Variants in RSRC1 observed in about 807,000 individuals in gnomAD.
RSRC1 encodes serine/Arginine-related protein 53.
Under a neutral mutation model 49.1 loss-of-function variants are expected in RSRC1, and 39 were observed. That is an observed-to-expected ratio of 0.79 (90% CI 0.61 to 1.04). The LOEUF is 1.04. Ranked by LOEUF, RSRC1 falls within the 50% of genes least tolerant of loss-of-function variation. The pLI, the probability that RSRC1 is intolerant of heterozygous loss-of-function variation, is 0.00. For synonymous variants in RSRC1, 143 were observed against 130.8 expected (o/e 1.09, Z -0.63); for missense variants, 388 against 402.4 (o/e 0.96, Z 0.31).
At chr3:158,229,254 A>G (rs1418977352) in intron 4 of RSRC1, among the ~76,000 whole-genome samples, 3 of 146,068 alleles carry the variant, frequency 2.1e-5, no homozygotes, top group African/African-American at 7.5e-5. Flanking sequence ...ATATAAACAT[A>G]CATGTATATG....
intron 5 of RSRC1, among the ~76,000 whole-genome samples, chr3:158,354,468 A>C (rs7610713): frequency 6.6e-6 from 1 of 151,936 alleles, no homozygotes; most frequent in African/African-American, 2.4e-5. Flanking sequence ...AGTCTGACTT[A>C]CCTCAAATAT....
intron 6 of RSRC1, among the ~76,000 whole-genome samples, chr3:158,404,114 GA>G (rs1270366996): frequency 6.6e-6 from 1 of 151,850 alleles, no homozygotes; most frequent in Non-Finnish European, 1.5e-5. Context: ...TCAAGGCCAT[GA>G]ATTTTTCAGG....
intron 6 of RSRC1, among the ~76,000 whole-genome samples, chr3:158,400,530 G>C (rs954755579): frequency 1.3e-5 from 2 of 152,064 alleles, no homozygotes; most frequent in Non-Finnish European, 2.9e-5. Flanking sequence ...TTACCCTGAA[G>C]ACCTTCCAGT....
chr3:158,543,383 G>A lies in RSRC1; in HGVS notation c.808G>A (p.Ala270Thr), dbSNP rs771214895. The A allele has an allele frequency of 6.3e-7, 1 of 1,599,788 alleles. No individual in the cohort carries two copies. The highest frequency in any genetic ancestry group is 8.5e-7 in the Non-Finnish European group (1 of 1,174,004). The change falls in exon 9 of 10, where the codon GCA (alanine) becomes ACA (threonine). Residue 270 changes from alanine to threonine, a missense_variant. Ala to Thr is a moderately conservative substitution (Grantham distance 58, BLOSUM62 0). Coordinates refer to ENST00000611884, the MANE Select transcript of RSRC1 (RefSeq NM_001271838.2). ...ACAAGCAACTTCAACATCAGGACCA[G>A]CATCAGCAGTTGCTGATCCACCCAG... ...VKQATSTSGP[A>T]SAVADPPSTE...
At chr3:158,329,721 T>G (rs1729421514) in intron 5 of RSRC1, among the ~76,000 whole-genome samples, 1 of 152,180 alleles carries the variant, frequency 6.6e-6, no homozygotes, top group African/African-American at 2.4e-5. Context: ...TTCTCAGATC[T>G]CAAACTCCGT....
intron 4 of RSRC1, among the ~76,000 whole-genome samples, chr3:158,290,610 A>T (rs1726882505): frequency 6.6e-6 from 1 of 152,116 alleles, no homozygotes; most frequent in African/African-American, 2.4e-5. Context: ...ATTTTGCCAA[A>T]CTTTTATTCA....
intron 5 of RSRC1, among the ~76,000 whole-genome samples, chr3:158,345,671 G>A (rs1265973349): frequency 2.0e-5 from 3 of 151,660 alleles, no homozygotes; most frequent in Non-Finnish European, 4.4e-5. Flanking sequence ...CTAATACCAA[G>A]CAATAATAAT....
At chr3:158,487,589 G>T (rs1289936372) in intron 7 of RSRC1, among the ~76,000 whole-genome samples, 1 of 152,046 alleles carries the variant, frequency 6.6e-6, no homozygotes, top group Non-Finnish European at 1.5e-5. Context: ...CTTGAGGAAG[G>T]AATATTATCC....
At chr3:158,305,164 C>T (rs1411505514) in intron 5 of RSRC1, among the ~76,000 whole-genome samples, 4 of 152,006 alleles carry the variant, frequency 2.6e-5, no homozygotes, top group African/African-American at 9.7e-5. Context: ...TCCCCAATCC[C>T]TCCTTTCACC....
intron 3 of RSRC1, among the ~76,000 whole-genome samples, chr3:158,186,301 C>T (rs1012325452): frequency 3.3e-5 from 5 of 151,766 alleles, no homozygotes; most frequent in African/African-American, 7.3e-5. Flanking sequence ...TACATATGGC[C>T]CTTGTGAAAC....
chr3:158,507,958 A>G (rs1035845091), intron 7 of RSRC1, among the ~76,000 whole-genome samples: 5 of 152,156 alleles, frequency 3.3e-5, no homozygotes, highest in African/African-American at 1.2e-4. Context: ...CTGCAATCCT[A>G]GCTACTCAGG....
rs373907065 is a variant in RSRC1, at chr3:158,485,400, T to C, written c.652+24397T>C. Among the ~76,000 whole-genome samples the C allele has an allele frequency of 2.5e-4, 38 of 152,258 alleles. No homozygotes were observed. The East Asian group carries it at 6.9e-3, about 28-fold the overall frequency. Reference sequence around the variant, plus strand: ...AAAACCAAGCTTACTTTAATATATCTTTTAAAATCTAACACAAAGGATATA... The same window carrying C: ...AAAACCAAGCTTACTTTAATATATCCTTTAAAATCTAACACAAAGGATATA... On this transcript the variant is annotated intron_variant, in intron 7 of 9. Coordinates refer to ENST00000611884, the MANE Select transcript of RSRC1 (RefSeq NM_001271838.2).
At chr3:158,529,160 G>A (rs938665794) in intron 7 of RSRC1, among the ~76,000 whole-genome samples, 15 of 149,444 alleles carry the variant, frequency 1.0e-4, no homozygotes, top group African/African-American at 3.0e-4. Context: ...AATGCCAGAA[G>A]AGTAAGATAT....
At chr3:158,183,107 G>T (rs1719723420) in intron 3 of RSRC1, among the ~76,000 whole-genome samples, 2 of 151,874 alleles carry the variant, frequency 1.3e-5, no homozygotes, top group East Asian at 3.9e-4. Context: ...AAGTAATGCA[G>T]ATAAAGATAA....
intron 7 of RSRC1, among the ~76,000 whole-genome samples, chr3:158,468,223 G>T (rs995667511): frequency 6.6e-6 from 1 of 152,118 alleles, no homozygotes; most frequent in South Asian, 2.1e-4. Context: ...GTGAGCCACC[G>T]CGCCCGGCCA....
At chr3:158,178,835 G>C (rs1719418103) in intron 3 of RSRC1, among the ~76,000 whole-genome samples, 2 of 152,094 alleles carry the variant, frequency 1.3e-5, no homozygotes, top group Non-Finnish European at 2.9e-5. Context: ...ATGTTTTACA[G>C]TATTTCTATA....
At chr3:158,430,072 C>CAAA (rs145414836) in intron 6 of RSRC1, among the ~76,000 whole-genome samples, 1 of 129,784 alleles carries the variant, frequency 7.7e-6, no homozygotes, top group African/African-American at 2.9e-5. Context: ...ACCACACACA[C>CAAA]AAAAAAAATA....
intron 4 of RSRC1, among the ~76,000 whole-genome samples, chr3:158,294,371 A>G (rs1036898476): frequency 3.9e-5 from 6 of 152,022 alleles, no homozygotes; most frequent in Admixed American, 1.3e-4. Flanking sequence ...GTTCTTTTTC[A>G]TAACTTCATT....
chr3:158,328,470 T>C (rs1299781269), intron 5 of RSRC1, among the ~76,000 whole-genome samples: 1 of 152,198 alleles, frequency 6.6e-6, no homozygotes, highest in Non-Finnish European at 1.5e-5. Flanking sequence ...CTGTAGAGGA[T>C]TGTATTTCTC....
Sources: gnomAD v4.1 joint callset for allele counts (sites outside exome capture counted in the v4.1 genomes callset) on GRCh38, gnomAD v4.1.1 for gene constraint, MANE v1.5 for transcripts, NCBI Gene and HGNC (gene_info 2026-07-23, HGNC 2026-07-21) for gene names.